The following DNAH8 variants were observed in gnomAD, a reference collection of about 807,000 sequenced individuals.
The protein encoded by DNAH8 is axonemal beta dynein heavy chain 8.
Under a neutral mutation model 562.1 loss-of-function variants are expected in DNAH8, and 382 were observed. The observed-to-expected ratio is 0.68, with a 90% CI of 0.63 to 0.74. DNAH8 has a LOEUF of 0.74. Ranked by LOEUF, DNAH8 falls within the 30% of genes least tolerant of loss-of-function variation. DNAH8 has a pLI of 0.00. For missense variants in DNAH8, 5,203 were observed against 5,620.4 expected (o/e 0.93, Z 2.37); for synonymous variants, 1,881 against 1,919.4 (o/e 0.98, Z 0.52).
chr6:38,826,483 C>T (rs1385594392), intron 29 of DNAH8, 92 bp downstream of exon 29: 11 of 807,392 alleles, frequency 1.4e-5, no homozygotes, highest in Non-Finnish European at 2.2e-5. Flanking sequence ...TTAACATATT[C>T]ATCTATTATG....
chr6:38,873,727 TACACACAC>T (rs762717515), intron 52 of DNAH8, among the ~76,000 whole-genome samples: 6,249 of 96,416 alleles, frequency 0.065, 415 homozygotes, highest in African/African-American at 0.18. Context: ...CACATACACC[TACACACAC>T]ACACACACAC....
chr6:39,004,797 A>G (rs1159146980), intron 88 of DNAH8, among the ~76,000 whole-genome samples: 1 of 152,190 alleles, frequency 6.6e-6, no homozygotes, highest in Non-Finnish European at 1.5e-5. Flanking sequence ...GTGATCTTTT[A>G]TGTCTGGATT....
In DNAH8 at chr6:38,894,848, A is replaced by G; in HGVS notation, c.8731A>G (p.Arg2911Gly). 1 of 1,613,848 alleles carries G rather than the reference A, an allele frequency of 6.2e-7. No homozygotes were observed. Among genetic ancestry groups the G allele is most frequent in the African/African-American group, 1.3e-5 (1 of 75,060 alleles). Residue 2911 changes from arginine to glycine, a missense_variant, in exon 59 of 93, where the codon AGA becomes GGA. This residue lies in a region of DNAH8 where 977 missense variants were observed against 1,061.8 expected (regional missense o/e 0.92). Transcript: ENST00000327475. ...LLSLFKHECS[R>G]VIADRFITPE... The stretch of plus-strand genomic sequence containing the variant: ...GTCCCTTTTCAAACACGAGTGCAGC[A>G]GAGTAATTGCAGACAGGTGCGTGTT...
intron 17 of DNAH8, among the ~76,000 whole-genome samples, chr6:38,786,232 C>T (rs191113041): frequency 9.2e-5 from 14 of 152,326 alleles, no homozygotes; most frequent in Admixed American, 5.9e-4. Context: ...AAAACATCTT[C>T]CCTCCTTTCC....
rs1339212558 is a variant in DNAH8 at position 38,908,120 on chromosome 6, A to T, written c.9513A>T (p.Pro3171=). 2.6e-6 allele frequency: 4 copies of T among 1,543,122 alleles called. No homozygotes were observed. Among genetic ancestry groups the T allele is most frequent in the Non-Finnish European group, 3.5e-6 (4 of 1,145,312 alleles). Residue 3171 remains proline, a splice_region_variant and synonymous_variant, in exon 64 of 93, where the codon CCA becomes CCT. Coordinates refer to ENST00000327475, the MANE Select transcript of DNAH8 (RefSeq NM_001206927.2). ...TACATGTTGTTCTCTGCTTTTCTCC[A>T]GTAAGTTTTTATTTTTATTTATATC... ...KNLHVVLCFS[P]VGEKFRARSL...
chr6:38,870,241 C>T (rs913261902), intron 48 of DNAH8, among the ~76,000 whole-genome samples, 160 bp from the exon 49 acceptor site: 3 of 152,174 alleles, frequency 2.0e-5, no homozygotes, highest in African/African-American at 4.8e-5. Context: ...CAAACCATAT[C>T]AGTGATATTC....
At chr6:38,790,254 G>A in intron 19 of DNAH8, 35 bp from the exon 20 acceptor site, 3 of 1,097,220 alleles carry the variant, frequency 2.7e-6, no homozygotes, top group Non-Finnish European at 4.2e-6. Context: ...TGCTCCTGTT[G>A]ATAATAGAAG....
chr6:38,749,178 A>G (rs1765211734), intron 8 of DNAH8, among the ~76,000 whole-genome samples: 1 of 152,158 alleles, frequency 6.6e-6, no homozygotes, highest in Admixed American at 6.5e-5. Context: ...TACACCATGG[A>G]GTACTATATG....
chr6:38,717,112 T>C (rs1379233868), intron 1 of DNAH8, among the ~76,000 whole-genome samples: 1 of 152,084 alleles, frequency 6.6e-6, no homozygotes, highest in Non-Finnish European at 1.5e-5. Context: ...CTTGGGAGGC[T>C]GAGGTAGGAG....
In DNAH8 at chr6:38,938,121, G is replaced by C; in HGVS notation, c.11711G>C (p.Arg3904Pro). 12 of 1,614,038 alleles carry C rather than the reference G, an allele frequency of 7.4e-6. No homozygotes were observed. Among genetic ancestry groups the C allele is most frequent in the Non-Finnish European group, 1.0e-5 (12 of 1,180,008 alleles). Residue 3904 changes from arginine (R) to proline (P), a missense_variant, in exon 78 of 93, where the codon CGC (arginine) becomes CCC (proline). Physicochemically the swap from Arg to Pro is moderately radical, Grantham distance 103 (BLOSUM62 -2). Transcript: ENST00000327475. The part of the protein sequence containing the change: ...AQEEFRPAAT[R>P]GSILYFLITE... ...GAGGAGTTCCGGCCCGCAGCCACCC[G>C]CGGAAGCATCCTCTACTTCCTCATC...
At chr6:38,952,670 T>C (rs534214312) in intron 82 of DNAH8, among the ~76,000 whole-genome samples, 8 of 152,320 alleles carry the variant, frequency 5.3e-5, no homozygotes, top group Non-Finnish European at 1.0e-4. Flanking sequence ...GGTAGCATGG[T>C]CCATGTTCAT....
chr6:38,921,324 CTG>C (rs1193379124), intron 70 of DNAH8, 43 bp from the exon 71 acceptor site: 2 of 1,589,922 alleles, frequency 1.3e-6, no homozygotes, highest in East Asian at 4.5e-5. Context: ...ACAATCATGA[CTG>C]TTTCATGCAG....
At chr6:38,847,795 G>A (rs780178545) in intron 36 of DNAH8, among the ~76,000 whole-genome samples, 1 of 152,092 alleles carries the variant, frequency 6.6e-6, no homozygotes, top group African/African-American at 2.4e-5. Flanking sequence ...AGGTAGTTGG[G>A]GTTTTTACCC....
chr6:38,823,701 T>A lies in DNAH8; in HGVS notation c.3847+13T>A. ...GAATTACATACAGGTATTTTAAAAA[T>A]GTTTATTATGTAAAGTATCTGTACT... On this transcript the variant is annotated intron_variant, in intron 28 of 92. Coordinates refer to ENST00000327475, the MANE Select transcript of DNAH8 (RefSeq NM_001206927.2). 1 of 1,572,420 alleles carries A rather than the reference T, an allele frequency of 6.4e-7. No homozygotes were observed. The highest frequency in any genetic ancestry group is 8.7e-7 in the Non-Finnish European group (1 of 1,150,072).
intron 21 of DNAH8, among the ~76,000 whole-genome samples, chr6:38,799,514 C>T (rs1419173610): frequency 6.6e-6 from 1 of 152,208 alleles, no homozygotes; most frequent in Non-Finnish European, 1.5e-5. Flanking sequence ...CACATGCTAT[C>T]TTCACTTTCC....
At chr6:38,759,083 G>A (rs185318199) in intron 10 of DNAH8, among the ~76,000 whole-genome samples, 1 of 152,068 alleles carries the variant, frequency 6.6e-6, no homozygotes, top group Non-Finnish European at 1.5e-5. Flanking sequence ...TGGGAGGATC[G>A]CTGGAGCTCA....
intron 32 of DNAH8, among the ~76,000 whole-genome samples, chr6:38,835,920 G>A (rs1453671570): frequency 6.6e-6 from 1 of 152,140 alleles, no homozygotes; most frequent in Non-Finnish European, 1.5e-5. Flanking sequence ...AGACTGGTTT[G>A]GAGAGAGGAA....
intron 80 of DNAH8, 38 bp downstream of exon 80, chr6:38,945,626 C>CA (rs1237811899): frequency 6.2e-7 from 1 of 1,611,522 alleles, no homozygotes. Flanking sequence ...TGCAGATCTG[C>CA]AAACCCAAAC....
At chr6:38,737,316 T>C in intron 6 of DNAH8, 60 bp downstream of exon 6, 3 of 1,041,110 alleles carry the variant, frequency 2.9e-6, no homozygotes, top group Non-Finnish European at 3.9e-6. Context: ...ACTAAGATAT[T>C]TCATAAACAG....
Sources: allele counts gnomAD v4.1 joint callset (sites outside exome capture counted in the v4.1 genomes callset), GRCh38; gene constraint gnomAD v4.1.1; regional missense constraint gnomAD v4.1.1; transcripts MANE v1.5; gene names NCBI Gene and HGNC (gene_info 2026-07-23, HGNC 2026-07-21).